Variants in WARS1 observed in about 807,000 individuals in gnomAD.
WARS1 encodes tryptophan--tRNA ligase, cytoplasmic.
Under a neutral mutation model 47.8 loss-of-function variants are expected in WARS1, and 17 were observed. The ratio of observed to expected loss-of-function variants is 0.36; its 90% CI spans 0.24 to 0.53. The LOEUF is 0.53. Among genes scored for constraint, WARS1 ranks in the 20% least tolerant of loss-of-function variants. The pLI, the probability that WARS1 is intolerant of heterozygous loss-of-function variation, is 0.91. For missense variants in WARS1, 434 were observed against 608.0 expected, an observed-to-expected ratio of 0.71 and a Z score of 3.01; for synonymous variants, 208 against 228.1, an observed-to-expected ratio of 0.91 and a Z score of 0.79.
chr14:100,373,824 TTGTG>T lies in WARS1; in HGVS notation c.-74+1455_-74+1458del, dbSNP rs59475595. Reference sequence around the variant, plus strand: ...GGGAATCATCCACACTATTGAAATCTTGTGTGTGTGTGTGTGTGTGTGTGTGTGT... The same window carrying T: ...GGGAATCATCCACACTATTGAAATCTTGTGTGTGTGTGTGTGTGTGTGTGT... On this transcript the variant is annotated intron_variant, in intron 1 of 10. Transcript: ENST00000392882. This position sits in a 1 kb window ranked among gnomAD's most constrained non-coding sequence, Gnocchi z 4.4. Among the ~76,000 whole-genome samples the T allele has an allele frequency of 0.32, 47,022 of 147,830 alleles. 7,654 individuals are homozygous for T. The highest frequency in any genetic ancestry group is 0.52 in the East Asian group (2,601 of 5,008).
Position 100,371,447 on chromosome 14 carries a change from C to CAAAAA in WARS1, c.-73-2194_-73-2190dup, listed in dbSNP as rs60977618. Among the ~76,000 whole-genome samples, 21 of 89,126 alleles carry CAAAAA rather than the reference C, an allele frequency of 2.4e-4. 3 individuals are homozygous for CAAAAA. The highest frequency in any genetic ancestry group is 4.9e-4 in the Non-Finnish European group (17 of 34,708). 58.5% of individuals were successfully genotyped at this position (89,126 alleles called of 152,430 possible). A position where few individuals can be genotyped will look rare whatever the true frequency, so the allele number is the denominator to read the frequency against. On this transcript the variant is annotated intron_variant, in intron 1 of 10. Transcript: ENST00000392882. ...CCTGGGTGACAGAAAGGTTCTGTCT[C>CAAAAA]AAAAAAAAAAAAAAAAAAAAGTAGG... is the stretch of plus-strand genomic sequence containing the variant.
At chr14:100,336,929 A>T in intron 10 of WARS1, 133 bp downstream of exon 10, 1 of 1,243,616 alleles carries the variant, frequency 8.0e-7, no homozygotes, top group Non-Finnish European at 1.1e-6. Context: ...GGGCGAGTCT[A>T]CTCAGTTTTC....
At chr14:100,342,304 G>T (rs758456704) in intron 9 of WARS1, 94 bp downstream of exon 9, 1 of 1,554,232 alleles carries the variant, frequency 6.4e-7, no homozygotes, top group Non-Finnish European at 8.8e-7. Flanking sequence ...GGTGGCTGAG[G>T]CCCAAAGCAC....
At position 100,337,045 on chromosome 14, in the gene WARS1, TGG is replaced by T. The variant is rs753195816; in HGVS notation, c.1254+15_1254+16del. ...GTGGCAGAAGGCGGCTGTGGGCCCT[TGG>T]GGTTCCCTGCTCACCTTCCTGATCT... On this transcript the variant is annotated intron_variant, in intron 10 of 10. Transcript: ENST00000392882. The T allele has an allele frequency of 1.2e-6, 2 of 1,608,120 alleles. No individual in the cohort carries two copies. The highest frequency in any genetic ancestry group is 2.7e-5 in the African/African-American group (2 of 74,838).
intron 4 of WARS1, among the ~76,000 whole-genome samples, chr14:100,359,815 A>G (rs1328633947): frequency 6.6e-6 from 1 of 152,220 alleles, no homozygotes; most frequent in Non-Finnish European, 1.5e-5. Flanking sequence ...ATTTTTTATT[A>G]TATTCCACCC....
intron 7 of WARS1, among the ~76,000 whole-genome samples, chr14:100,345,243 G>A (rs1236001909): frequency 6.6e-6 from 1 of 151,656 alleles, no homozygotes; most frequent in Non-Finnish European, 1.5e-5. Context: ...GGGAAAGGTG[G>A]GGAAAAGATT....
intron 6 of WARS1, among the ~76,000 whole-genome samples, chr14:100,351,082 G>A (rs1894949565): frequency 6.6e-6 from 1 of 152,154 alleles, no homozygotes; most frequent in Non-Finnish European, 1.5e-5. Context: ...GGGCTCGTGT[G>A]CCAAGTGAAA....
chr14:100,345,561 G>A (rs1894547393), intron 7 of WARS1, among the ~76,000 whole-genome samples: 1 of 151,666 alleles, frequency 6.6e-6, no homozygotes, highest in Non-Finnish European at 1.5e-5. Context: ...GAAAACCAGA[G>A]ACCTTTGTTC....
At chr14:100,355,591 G>A (rs1396512534) in intron 4 of WARS1, among the ~76,000 whole-genome samples, 3 of 152,156 alleles carry the variant, frequency 2.0e-5, no homozygotes, top group Non-Finnish European at 4.4e-5. Context: ...CAACGCTCGA[G>A]GATGAATGTC....
intron 9 of WARS1, among the ~76,000 whole-genome samples, chr14:100,341,578 C>G (rs1318841755): frequency 6.6e-6 from 1 of 152,214 alleles, no homozygotes; most frequent in Non-Finnish European, 1.5e-5. Flanking sequence ...AAAATGTCAA[C>G]TGCTTTGTGT....
rs138741804 is a variant in WARS1, at chr14:100,369,539, C to A, written c.-73-281G>T. On this transcript the variant is annotated intron_variant, in intron 1 of 10. Coordinates refer to ENST00000392882, the MANE Select transcript of WARS1 (RefSeq NM_004184.4). ...TAGGAGGGGCCCTCCTAGTCAAGAT[C>A]AAGTTTGCATCTGGTGATGCCCCTG... 7.3e-3 allele frequency among the ~76,000 whole-genome samples: 1,103 copies of A among 152,106 alleles called. 19 individuals are homozygous for A. The highest frequency in any genetic ancestry group is 0.026 in the African/African-American group (1,064 of 41,498).
Position 100,373,824 on chromosome 14 carries a change from TTGTGTGTGTG to T in WARS1, c.-74+1449_-74+1458del, listed in dbSNP as rs59475595. ...GGGAATCATCCACACTATTGAAATC[TTGTGTGTGTG>T]TGTGTGTGTGTGTGTGTGTGTGTGT... On this transcript the variant is annotated intron_variant, in intron 1 of 10. Transcript: ENST00000392882. This position sits in a 1 kb window ranked among gnomAD's most constrained non-coding sequence, Gnocchi z 4.4. Among the ~76,000 whole-genome samples the T allele has an allele frequency of 0.041, 6,048 of 148,076 alleles. 367 individuals carry two copies. Among genetic ancestry groups the T allele is most frequent in the African/African-American group, 0.14 (5,516 of 40,180 alleles).
upstream of WARS1, chr14:100,376,135 G>A (rs1896644686): frequency 1.7e-5 from 3 of 177,360 alleles, no homozygotes; most frequent in African/African-American, 2.4e-5. Flanking sequence ...AGAACGCGGC[G>A]GGCAGCAAGC....
chr14:100,338,840 C>T (rs1893928211), intron 9 of WARS1, among the ~76,000 whole-genome samples: 1 of 151,808 alleles, frequency 6.6e-6, no homozygotes, highest in Non-Finnish European at 1.5e-5. Context: ...GGTGCAGTGG[C>T]TCACACCTGT....
At chr14:100,371,783 G>A (rs1002653193) in intron 1 of WARS1, among the ~76,000 whole-genome samples, 1 of 152,010 alleles carries the variant, frequency 6.6e-6, no homozygotes, top group African/African-American at 2.4e-5. Context: ...TGCTGTGAGC[G>A]GTGGCTCACA....
intron 9 of WARS1, chr14:100,339,937 T>G (rs373094510): frequency 6.6e-6 from 1 of 152,144 alleles, no homozygotes; most frequent in African/African-American, 2.4e-5. Context: ...ACCTGCACAC[T>G]CCCCCTCCCC....
chr14:100,337,903 T>C (rs1423005183), intron 9 of WARS1, among the ~76,000 whole-genome samples: 1 of 151,990 alleles, frequency 6.6e-6, no homozygotes, highest in African/African-American at 2.4e-5. Context: ...AGAAAAAGGA[T>C]GAGTAAGTCA....
At chr14:100,353,940 A>G (rs779799122) in intron 5 of WARS1, 71 bp from the exon 6 acceptor site, 13 of 1,407,742 alleles carry the variant, frequency 9.2e-6, no homozygotes, top group South Asian at 1.3e-5. Flanking sequence ...TGCATCTGAA[A>G]ACACAGCTCC....
intron 4 of WARS1, 104 bp downstream of exon 4, chr14:100,360,450 A>T: frequency 1.2e-6 from 1 of 805,418 alleles, no homozygotes; most frequent in African/African-American, 1.7e-5. Context: ...GCTGGCCATC[A>T]CTTTTCCCAC....
Sources: gnomAD v4.1 joint callset for allele counts (sites outside exome capture counted in the v4.1 genomes callset) on GRCh38, gnomAD v4.1.1 for gene constraint, Gnocchi (gnomAD v3.1) non-coding constraint, MANE v1.5 for transcripts, NCBI Gene and HGNC (gene_info 2026-07-23, HGNC 2026-07-21) for gene names.